ATF1: variants seen among roughly 807,000 people sequenced by gnomAD.
ATF1 encodes activating transcription factor 1.
ATF1 carries 16 observed loss-of-function variants against 34.7 expected under a neutral mutation model. That is an observed-to-expected ratio of 0.46 (90% CI 0.31 to 0.70). The LOEUF (loss-of-function observed/expected upper bound fraction) is 0.70, where lower values mean the gene tolerates loss of function less well. ATF1 is among the 30% of genes least tolerant of loss of function. The probability of loss-of-function intolerance (pLI) is 0.05; values close to 1 mark genes in which losing one functional copy is unlikely to be tolerated. For synonymous variants in ATF1, 105 were observed against 113.1 expected, an observed-to-expected ratio of 0.93 and a Z score of 0.46; for missense variants, 255 against 321.6, an observed-to-expected ratio of 0.79 and a Z score of 1.58.
intron 6 of ATF1, 121 bp from the exon 7 acceptor site, chr12:50,819,505 ATGTATTCTC>A: frequency 3.9e-6 from 4 of 1,032,058 alleles, no homozygotes; most frequent in Non-Finnish European, 5.6e-6. Flanking sequence ...CTTAAGATCT[ATGTATTCTC>A]TGTGTGTAGA....
intron 6 of ATF1, among the ~76,000 whole-genome samples, chr12:50,814,674 A>G (rs1941805977): frequency 6.6e-6 from 1 of 152,228 alleles, no homozygotes; most frequent in Non-Finnish European, 1.5e-5. Flanking sequence ...TGGTATAAAC[A>G]AACCTATTGT....
intron 2 of ATF1, 63 bp downstream of exon 2, chr12:50,780,301 C>A: frequency 7.5e-7 from 1 of 1,336,512 alleles, no homozygotes; most frequent in Non-Finnish European, 1.0e-6. Context: ...AGATTAATCT[C>A]GTTTCAGACT....
intron 2 of ATF1, among the ~76,000 whole-genome samples, chr12:50,789,084 T>G (rs1272567337): frequency 2.1e-5 from 3 of 145,774 alleles, no homozygotes; most frequent in Non-Finnish European, 1.5e-5. Flanking sequence ...TTTTTTGTTG[T>G]TTTTTTTTTT....
chr12:50,781,541 C>T (rs1442161525), intron 2 of ATF1, among the ~76,000 whole-genome samples: 2 of 151,920 alleles, frequency 1.3e-5, no homozygotes, highest in Non-Finnish European at 2.9e-5. Context: ...ACCTCCGCCT[C>T]CCGGGTTCAA....
intron 2 of ATF1, among the ~76,000 whole-genome samples, chr12:50,782,154 C>T (rs190464230): frequency 2.6e-5 from 4 of 152,140 alleles, no homozygotes; most frequent in Non-Finnish European, 1.5e-5. Flanking sequence ...AGATTTTCTT[C>T]ATATAATTCA....
intron 1 of ATF1, among the ~76,000 whole-genome samples, chr12:50,767,434 C>T (rs1940664445): frequency 6.6e-6 from 1 of 152,162 alleles, no homozygotes; most frequent in Non-Finnish European, 1.5e-5. Context: ...GCAGGATAAT[C>T]ACTTGAACCC....
chr12:50,813,562 C>T (rs1426373390), intron 4 of ATF1, among the ~76,000 whole-genome samples: 3 of 151,974 alleles, frequency 2.0e-5, no homozygotes, highest in Admixed American at 6.6e-5. Context: ...GCCTGTAATC[C>T]CAGCACTTTG....
At chr12:50,814,820 CT>C (rs35936124) in intron 6 of ATF1, among the ~76,000 whole-genome samples, 33,942 of 140,552 alleles carry the variant, frequency 0.24, 4,459 homozygotes, top group East Asian at 0.4. Flanking sequence ...ATACCTTCTA[CT>C]TTTTTTTTTT....
intron 3 of ATF1, among the ~76,000 whole-genome samples, 173 bp downstream of exon 3, chr12:50,796,182 C>G (rs1941405342): frequency 6.6e-6 from 1 of 152,178 alleles, no homozygotes; most frequent in African/African-American, 2.4e-5. Flanking sequence ...ATTGCTTGAG[C>G]CCAGGAGTTC....
intron 1 of ATF1, 150 bp from the exon 2 acceptor site, chr12:50,779,990 A>C: frequency 2.2e-6 from 1 of 461,914 alleles, no homozygotes; most frequent in Non-Finnish European, 3.7e-6. Flanking sequence ...AATTTAAAGA[A>C]AATGCACAGT....
At chr12:50,781,437 AGTT>A (rs1393555210) in intron 2 of ATF1, among the ~76,000 whole-genome samples, 2 of 151,970 alleles carry the variant, frequency 1.3e-5, no homozygotes, top group African/African-American at 4.8e-5. Flanking sequence ...CTGTATTTAG[AGTT>A]GTTTTCTTTG....
intron 1 of ATF1, among the ~76,000 whole-genome samples, chr12:50,767,651 T>C (rs1370805514): frequency 6.6e-6 from 1 of 152,264 alleles, no homozygotes. Flanking sequence ...CACCTTGTTT[T>C]ACGTCCTTGG....
At chr12:50,779,745 T>A (rs935846359) in intron 1 of ATF1, among the ~76,000 whole-genome samples, 12 of 152,288 alleles carry the variant, frequency 7.9e-5, no homozygotes, top group Admixed American at 6.5e-4. Flanking sequence ...TAGAACCTCC[T>A]TAGGTATAGT....
chr12:50,780,159 A>G lies in ATF1; in HGVS notation c.14A>G (p.His5Arg), dbSNP rs1941024253. The G allele has an allele frequency of 6.2e-7, 1 of 1,612,696 alleles. No homozygotes were observed. Among genetic ancestry groups the G allele is most frequent in the Non-Finnish European group, 8.5e-7 (1 of 1,179,050 alleles). Residue 5 changes from histidine (H) to arginine (R), a missense_variant, in exon 2 of 7, where the codon CAC (histidine) becomes CGC (arginine). Physicochemically the swap from His to Arg is conservative, Grantham distance 29 (BLOSUM62 0). This residue lies in a region of ATF1 where 221 missense variants were observed against 250.7 expected (regional missense o/e 0.88). Transcript: ENST00000262053. Reference protein sequence around the residue: MEDSHKSTTSETAPQ... With the variant: MEDSRKSTTSETAPQ... ...TTATAGTTGATTATGGAAGATTCCC[A>G]CAAGAGTACCACGTCAGAGACAGCA...
chr12:50,810,363 G>A (rs571349298), intron 4 of ATF1, among the ~76,000 whole-genome samples: 5 of 151,400 alleles, frequency 3.3e-5, no homozygotes, highest in East Asian at 3.9e-4. Context: ...GATTACAGGC[G>A]TGTACCACTT....
At chr12:50,819,179 G>C (rs1941900188) in intron 6 of ATF1, among the ~76,000 whole-genome samples, 1 of 152,176 alleles carries the variant, frequency 6.6e-6, no homozygotes, top group Admixed American at 6.5e-5. Context: ...ATACACAAAT[G>C]GTGGTTATAT....
chr12:50,804,921 C>T (rs1253053121), intron 3 of ATF1, among the ~76,000 whole-genome samples: 4 of 151,796 alleles, frequency 2.6e-5, no homozygotes, highest in African/African-American at 7.3e-5. Flanking sequence ...AAGCAATTCT[C>T]CTGCCTCAGC....
rs552198993 is a variant in ATF1, at chr12:50,804,635, C to T, written c.195-4821C>T. ...CACTACACTCTAGTGTGGGTGACAG[C>T]AAGACCCTATCTCTAAAAAGAAACT... On this transcript the variant is annotated intron_variant, in intron 3 of 6. Coordinates refer to ENST00000262053, the MANE Select transcript of ATF1 (RefSeq NM_005171.5). 8.5e-5 allele frequency among the ~76,000 whole-genome samples: 13 copies of T among 152,230 alleles called. No individual in the cohort carries two copies. The East Asian group carries it at 2.3e-3, about 27-fold the overall frequency.
intron 4 of ATF1, among the ~76,000 whole-genome samples, 191 bp downstream of exon 4, chr12:50,809,780 A>G (rs1014422023): frequency 1.3e-5 from 2 of 152,216 alleles, no homozygotes; most frequent in Non-Finnish European, 2.9e-5. Flanking sequence ...ATAGGCAATT[A>G]TCAATGTATG....
Sources: gnomAD v4.1 joint callset for allele counts (sites outside exome capture counted in the v4.1 genomes callset) on GRCh38, gnomAD v4.1.1 for gene constraint, gnomAD v4.1.1 regional missense constraint, MANE v1.5 for transcripts, NCBI Gene and HGNC (gene_info 2026-07-23, HGNC 2026-07-21) for gene names.